ATM: variants seen among roughly 807,000 people sequenced by gnomAD.
ATM encodes serine-protein kinase ATM.
In ATM, 308 loss-of-function variants were observed where a neutral mutation model predicts 387.0. That is an observed-to-expected ratio of 0.80 (90% CI 0.73 to 0.87). The LOEUF (loss-of-function observed/expected upper bound fraction) is 0.87, where lower values mean the gene tolerates loss of function less well. Among genes scored for constraint, ATM ranks in the 40% least tolerant of loss-of-function variants. The pLI, the probability that ATM is intolerant of heterozygous loss-of-function variation, is 0.00. For synonymous variants in ATM, 1,156 were observed against 1,187.3 expected (o/e 0.97, Z 0.54); for missense variants, 3,312 against 3,560.9 (o/e 0.93, Z 1.78).
At chr11:108,282,973 C>G in intron 25 of ATM, 94 bp downstream of exon 25, 1 of 787,904 alleles carries the variant, frequency 1.3e-6, no homozygotes, top group Non-Finnish European at 2.0e-6. Context: ...ACATACCATA[C>G]CCATACACAT....
At chr11:108,293,787 A>G (rs1221328465) in intron 31 of ATM, among the ~76,000 whole-genome samples, 1 of 150,856 alleles carries the variant, frequency 6.6e-6, no homozygotes, top group Non-Finnish European at 1.5e-5. Flanking sequence ...CTGAGATGGA[A>G]GGATCACCTG....
intron 6 of ATM, 55 bp downstream of exon 6, chr11:108,244,173 G>T: frequency 1.3e-6 from 2 of 1,596,750 alleles, no homozygotes; most frequent in South Asian, 2.2e-5. Context: ...GATCTTGCAA[G>T]ACCATGTTTT....
chr11:108,229,736 A>G (rs1048900158), intron 4 of ATM: 20 of 184,142 alleles, frequency 1.1e-4, no homozygotes, highest in Admixed American at 1.7e-4. Flanking sequence ...CTGGAGTGCA[A>G]TGGTGTGATG....
At position 108,252,313 on chromosome 11, in the gene ATM, A is replaced by T. The variant is rs557647362; in HGVS notation, c.1802+282A>T. On this transcript the variant is annotated intron_variant, in intron 11 of 62. Coordinates refer to ENST00000675843, the MANE Select transcript of ATM (RefSeq NM_000051.4). ...TTATGTGTTCCTTTCTGATTTTTTA[A>T]ATAAGTAAGTCCATATATTTGAGTC... Among the ~76,000 whole-genome samples the T allele has an allele frequency of 9.2e-5, 14 of 152,282 alleles. 1 individual carries two copies. The South Asian group carries it at 2.9e-3, about 32-fold the overall frequency.
In ATM at chr11:108,332,869, C is replaced by T. The variant is rs1591179036; in HGVS notation, c.7896C>T (p.Asn2632=). The T allele has an allele frequency of 1.9e-6, 3 of 1,613,016 alleles. No individual in the cohort carries two copies. Among genetic ancestry groups the T allele is most frequent in the Non-Finnish European group, 2.5e-6 (3 of 1,179,666 alleles). ...ALCDAYIILA[N]LDATQWKTQR... ...GTGATGCTTATATTATATTAGCAAA[C>T]TTAGATGCCACTCAGTGGAAGACTC... The change falls in exon 53 of 63, where the codon AAC becomes AAT. Residue 2632 remains asparagine, a synonymous_variant. Transcript: ENST00000675843.
chr11:108,236,879 G>T (rs551588024), intron 5 of ATM, among the ~76,000 whole-genome samples: 41 of 152,248 alleles, frequency 2.7e-4, no homozygotes, highest in Non-Finnish European at 5.7e-4. Flanking sequence ...GCATTTCTGG[G>T]TTTGAGAATA....
At chr11:108,243,297 A>T (rs2079657533) in intron 5 of ATM, among the ~76,000 whole-genome samples, 1 of 151,956 alleles carries the variant, frequency 6.6e-6, no homozygotes, top group East Asian at 1.9e-4. Flanking sequence ...CATATTATTA[A>T]TCAAACAGTA....
chr11:108,308,161 C>T (rs2083841234), intron 38 of ATM, 177 bp downstream of exon 38: 3 of 663,498 alleles, frequency 4.5e-6, no homozygotes, highest in Non-Finnish European at 7.9e-6. Context: ...TTGGTTAAAT[C>T]AGTGTCAAGA....
chr11:108,354,210 T>C (rs2089599468), intron 60 of ATM, among the ~76,000 whole-genome samples: 1 of 152,142 alleles, frequency 6.6e-6, no homozygotes, highest in Non-Finnish European at 1.5e-5. Flanking sequence ...TAATAGTTCC[T>C]CTTCCTTCCA....
At position 108,327,787 on chromosome 11, in the gene ATM, A is replaced by G. The variant is rs1306092666; in HGVS notation, c.7089+29A>G. On this transcript the variant is annotated intron_variant, in intron 48 of 62. Transcript: ENST00000675843. ...AGATTTTTGGAGCAACCCTTAAGATAGTTACTTAGCATGAATATGCTTCAT... is the reference window on the plus strand; with the variant it reads ...AGATTTTTGGAGCAACCCTTAAGATGGTTACTTAGCATGAATATGCTTCAT... 4 of 1,495,342 alleles carry G rather than the reference A, an allele frequency of 2.7e-6. No individual in the cohort carries two copies. In the South Asian group the frequency reaches 4.5e-5, roughly 17 times the overall value. 92.6% of individuals were successfully genotyped at this position (1,495,342 alleles called of 1,614,324 possible).
intron 1 of ATM, chr11:108,226,246 A>G (rs2078730656): frequency 6.6e-6 from 1 of 152,086 alleles, no homozygotes; most frequent in Non-Finnish European, 1.5e-5. Flanking sequence ...CCTGTCACTC[A>G]GGTAGTGAGC....
intron 5 of ATM, among the ~76,000 whole-genome samples, chr11:108,238,102 T>G (rs1039055858): frequency 2.6e-5 from 4 of 151,962 alleles, no homozygotes; most frequent in Admixed American, 1.3e-4. Flanking sequence ...AATTTTTGTA[T>G]TTTTAGTAGA....
intron 61 of ATM, among the ~76,000 whole-genome samples, chr11:108,362,345 T>C (rs1298380069): frequency 1.3e-5 from 2 of 151,518 alleles, no homozygotes; most frequent in African/African-American, 4.8e-5. Flanking sequence ...TTTTACACTG[T>C]TGGTGGGACT....
At chr11:108,228,025 G>A in intron 3 of ATM, 137 bp downstream of exon 3, 9 of 708,648 alleles carry the variant, frequency 1.3e-5, no homozygotes, top group Admixed American at 3.2e-5. Flanking sequence ...TATGAATTTG[G>A]CATTTAATAT....
intron 51 of ATM, 70 bp downstream of exon 51, chr11:108,331,627 A>G: frequency 5.6e-6 from 8 of 1,434,972 alleles, no homozygotes; most frequent in East Asian, 2.6e-5. Context: ...TATATAAAGT[A>G]TATATACCAT....
At chr11:108,297,894 A>G (rs948480347) in intron 33 of ATM, among the ~76,000 whole-genome samples, 4 of 152,188 alleles carry the variant, frequency 2.6e-5, no homozygotes, top group Non-Finnish European at 5.9e-5. Flanking sequence ...ACTTAATTTG[A>G]AAATGCCTTG....
intron 10 of ATM, 29 bp downstream of exon 10, chr11:108,251,101 T>G: frequency 6.2e-7 from 1 of 1,613,362 alleles, no homozygotes; most frequent in Non-Finnish European, 8.5e-7. Flanking sequence ...ATGTCTGACT[T>G]ACAGATAAAC....
At position 108,366,603 on chromosome 11, in the gene ATM, A is replaced by G; in HGVS notation, c.*1095A>G. 4.3e-6 allele frequency: 1 copy of G among 230,724 alleles called. No homozygotes were observed. Among genetic ancestry groups the G allele is most frequent in the Non-Finnish European group, 8.6e-6 (1 of 116,468 alleles). 14.3% of individuals were successfully genotyped at this position (230,724 alleles called of 1,614,324 possible). On this transcript the variant is annotated 3_prime_UTR_variant, in exon 63 of 63. Transcript: ENST00000675843. ...GGAATCTTGAGTGTCTGTTTATGTC[A>G]TATTCCCAGGGCTGTTGCTGCACAC...
chr11:108,321,736 C>T (rs1474393543), intron 45 of ATM, among the ~76,000 whole-genome samples: 1 of 151,040 alleles, frequency 6.6e-6, no homozygotes, highest in Non-Finnish European at 1.5e-5. Context: ...TGTGGTGAGC[C>T]GAGATTGCGC....
Sources: gnomAD v4.1 joint callset for allele counts (sites outside exome capture counted in the v4.1 genomes callset) on GRCh38, gnomAD v4.1.1 for gene constraint, MANE v1.5 for transcripts, NCBI Gene and HGNC (gene_info 2026-07-23, HGNC 2026-07-21) for gene names.